Variants in IFITM10 observed in about 807,000 individuals in gnomAD.
IFITM10 encodes interferon-induced transmembrane protein 10.
Under a neutral mutation model 19.0 loss-of-function variants are expected in IFITM10, and 17 were observed. The observed-to-expected ratio is 0.90, with a 90% confidence interval of 0.61 to 1.34. The LOEUF (loss-of-function observed/expected upper bound fraction) is 1.34. Among genes scored for constraint, IFITM10 ranks in the 40% most tolerant of loss-of-function variants. The pLI is 0.00. For synonymous variants in IFITM10, 148 were observed against 147.2 expected (o/e 1.01, Z -0.04); for missense variants, 306 against 319.8 (o/e 0.96, Z 0.33).
chr11:1,740,126 C>G (rs1851129958), intron 2 of IFITM10, among the ~76,000 whole-genome samples: 1 of 151,678 alleles, frequency 6.6e-6, no homozygotes, highest in South Asian at 2.1e-4. Flanking sequence ...ATGGTGAAAC[C>G]CTGTCTCTAC....
intron 1 of IFITM10, 170 bp downstream of exon 1, chr11:1,750,189 T>C (rs1565016559): frequency 1.4e-6 from 1 of 720,662 alleles, no homozygotes; most frequent in East Asian, 1.3e-4. Context: ...CCGCCTCCGC[T>C]ACCCCACCAC....
intron 2 of IFITM10, among the ~76,000 whole-genome samples, chr11:1,741,992 C>T (rs567714098): frequency 4.6e-5 from 7 of 152,338 alleles, no homozygotes; most frequent in Admixed American, 4.6e-4. Context: ...GCACCCTGAT[C>T]TCAGACTTCG....
chr11:1,737,537 G>A (rs999183920), intron 2 of IFITM10, among the ~76,000 whole-genome samples: 5 of 152,150 alleles, frequency 3.3e-5, no homozygotes, highest in Admixed American at 6.5e-5. Flanking sequence ...TGAAGATGAC[G>A]ACAGCGCTGC....
chr11:1,741,969 C>T (rs546328776), intron 2 of IFITM10, among the ~76,000 whole-genome samples: 1 of 152,180 alleles, frequency 6.6e-6, no homozygotes, highest in African/African-American at 2.4e-5. Context: ...CTGATCAGAA[C>T]CTGACTATGC....
rs148267799 is a variant in IFITM10, at chr11:1,738,969, G to A, written c.538-3540C>T. On this transcript the variant is annotated intron_variant, in intron 2 of 2. Coordinates refer to ENST00000340134, the MANE Select transcript of IFITM10 (RefSeq NM_001170820.4). The stretch of plus-strand genomic sequence containing the variant: ...CTTGGGAGGCTGAGGCAGGAGAATC[G>A]CTTGAACTCGGAGGGCAGAGGTTGC... Among the ~76,000 whole-genome samples the A allele has an allele frequency of 2.7e-3, 389 of 146,232 alleles. 3 individuals carry two copies. The highest frequency in any genetic ancestry group is 8.4e-3 in the East Asian group (42 of 4,984).
chr11:1,749,901 A>G lies in IFITM10; in HGVS notation c.84+458T>C, dbSNP rs565991966. Among the ~76,000 whole-genome samples the G allele has an allele frequency of 3.8e-4, 58 of 151,168 alleles. No individual in the cohort carries two copies. The East Asian group carries it at 0.01, about 27-fold the overall frequency. On this transcript the variant is annotated intron_variant, in intron 1 of 2. Coordinates refer to ENST00000340134, the MANE Select transcript of IFITM10 (RefSeq NM_001170820.4). ...TCTGACTTCACCCAGCCGGGGCCCCACTCCAGTTCACTCCCAGAGTCTGGG... is the reference window on the plus strand; with the variant it reads ...TCTGACTTCACCCAGCCGGGGCCCCGCTCCAGTTCACTCCCAGAGTCTGGG...
At chr11:1,742,535 CAGCT>C (rs1845579503) in intron 2 of IFITM10, among the ~76,000 whole-genome samples, 1 of 152,028 alleles carries the variant, frequency 6.6e-6, no homozygotes, top group Non-Finnish European at 1.5e-5. Flanking sequence ...GAGTGTGACT[CAGCT>C]AGGGGAGCAG....
intron 2 of IFITM10, among the ~76,000 whole-genome samples, chr11:1,741,019 A>G (rs964549959): frequency 1.3e-5 from 2 of 152,004 alleles, no homozygotes; most frequent in African/African-American, 4.8e-5. Context: ...CATGACTGGA[A>G]GCCTCCTGAG....
At position 1,743,026 on chromosome 11, in the gene IFITM10, AGGGT is replaced by A. The variant is rs559259153; in HGVS notation, c.537+4637_537+4640del. 3.1e-4 allele frequency among the ~76,000 whole-genome samples: 46 copies of A among 146,238 alleles called. No homozygotes were observed. The South Asian group carries it at 9.9e-3, about 31-fold the overall frequency. On this transcript the variant is annotated intron_variant, in intron 2 of 2. Coordinates refer to ENST00000340134, the MANE Select transcript of IFITM10 (RefSeq NM_001170820.4). ...GAAAGATAAATGGATGGATGGATTGAGGGTGGATGGATGGATGGATGAAGGATGG... is the reference window on the plus strand; with the variant it reads ...GAAAGATAAATGGATGGATGGATTGAGGATGGATGGATGGATGAAGGATGG...
At chr11:1,749,044 A>G (rs1845687145) in intron 1 of IFITM10, 1 of 1,104,660 alleles carries the variant, frequency 9.1e-7, no homozygotes, top group Non-Finnish European at 1.1e-6. Context: ...GCGCGGCCGG[A>G]CCCCCTGAGC....
At chr11:1,736,747 A>G (rs1042920448) in intron 2 of IFITM10, among the ~76,000 whole-genome samples, 1 of 147,568 alleles carries the variant, frequency 6.8e-6, no homozygotes, top group African/African-American at 2.6e-5. Context: ...AGTGGAGTGG[A>G]TGGAATGGAT....
At chr11:1,747,625 C>T (rs778527578) in intron 2 of IFITM10, 42 bp downstream of exon 2, 2 of 1,528,840 alleles carry the variant, frequency 1.3e-6, no homozygotes, top group South Asian at 2.4e-5. Flanking sequence ...CCGGCACCAC[C>T]TCTCTAGCCC....
intron 2 of IFITM10, among the ~76,000 whole-genome samples, chr11:1,738,133 G>A (rs916480078): frequency 6.6e-6 from 1 of 152,136 alleles, no homozygotes; most frequent in Non-Finnish European, 1.5e-5. Flanking sequence ...AGAAATGGAT[G>A]TAGAAACTTG....
intron 2 of IFITM10, among the ~76,000 whole-genome samples, chr11:1,735,714 T>C (rs1423746716): frequency 1.3e-5 from 2 of 152,148 alleles, no homozygotes; most frequent in Admixed American, 6.5e-5. Flanking sequence ...AAAGCAAATA[T>C]GGTAAAATGT....
At chr11:1,744,639 T>TGGGG (rs146312647) in intron 2 of IFITM10, 86 of 150,670 alleles carry the variant, frequency 5.7e-4, no homozygotes, top group African/African-American at 2.0e-3. Flanking sequence ...CCCATGTGGG[T>TGGGG]GGGGGGGGTG....
intron 2 of IFITM10, among the ~76,000 whole-genome samples, chr11:1,740,472 G>T (rs892504211): frequency 6.6e-6 from 1 of 152,058 alleles, no homozygotes; most frequent in Non-Finnish European, 1.5e-5. Flanking sequence ...GGTGTTTGCT[G>T]GGATCAGGTG....
chr11:1,746,607 G>A (rs1487193280), intron 2 of IFITM10: 1 of 398,506 alleles, frequency 2.5e-6, no homozygotes, highest in African/African-American at 2.1e-5. Context: ...GGGGAACGCC[G>A]ACCGCAGTTG....
At chr11:1,739,745 T>A (rs746446107) in intron 2 of IFITM10, among the ~76,000 whole-genome samples, 1 of 151,880 alleles carries the variant, frequency 6.6e-6, no homozygotes, top group East Asian at 1.9e-4. Flanking sequence ...ATCGGAAGAA[T>A]GTGACAGACT....
At chr11:1,738,760 G>A (rs1018028619) in intron 2 of IFITM10, among the ~76,000 whole-genome samples, 12 of 152,046 alleles carry the variant, frequency 7.9e-5, no homozygotes, top group Non-Finnish European at 1.0e-4. Flanking sequence ...CAGGCTTGCA[G>A]TGTGATAAAA....
Sources: gnomAD v4.1 joint callset for allele counts (sites outside exome capture counted in the v4.1 genomes callset) on GRCh38, gnomAD v4.1.1 for gene constraint, MANE v1.5 for transcripts, NCBI Gene and HGNC (gene_info 2026-07-23, HGNC 2026-07-21) for gene names.